OSBPL9: variants seen among roughly 807,000 people sequenced by gnomAD.
OSBPL9 encodes oxysterol-binding protein-related protein 9.
In OSBPL9, 40 loss-of-function variants were observed where a neutral mutation model predicts 106.6. The ratio of observed to expected loss-of-function variants is 0.38; its 90% CI spans 0.29 to 0.49. The LOEUF is 0.49. Among genes scored for constraint, OSBPL9 ranks in the 20% least tolerant of loss-of-function variants. OSBPL9 has a pLI of 0.97. For synonymous variants in OSBPL9, 269 were observed against 295.4 expected, an observed-to-expected ratio of 0.91 and a Z score of 0.92; for missense variants, 609 against 887.2, an observed-to-expected ratio of 0.69 and a Z score of 3.98.
chr1:51,753,440 AAAG>A (rs778322886), intron 8 of OSBPL9, among the ~76,000 whole-genome samples: 7 of 152,222 alleles, frequency 4.6e-5, no homozygotes, highest in Non-Finnish European at 8.8e-5. Flanking sequence ...AAATTTAAAA[AAAG>A]AAGGATGCAA....
chr1:51,730,159 T>C (rs955570341), intron 4 of OSBPL9: 7 of 1,242,310 alleles, frequency 5.6e-6, no homozygotes, highest in Non-Finnish European at 7.1e-6. Flanking sequence ...GGGCCCCTCT[T>C]CCTTGGGAGT....
chr1:51,551,582 A>G, the OSBPL9 span, among the ~76,000 whole-genome samples: 1 of 151,684 alleles, frequency 6.6e-6, no homozygotes, highest in African/African-American at 2.4e-5. Context: ...TTATTTATTT[A>G]TTTATTTACT....
the OSBPL9 span, chr1:51,562,011 A>G: frequency 1.3e-5 from 2 of 152,314 alleles, no homozygotes; most frequent in East Asian, 1.9e-4. Context: ...GGGATTTTCA[A>G]TGATCCAAGG....
At chr1:51,711,106 C>G (rs1171942598) in intron 3 of OSBPL9, among the ~76,000 whole-genome samples, 1 of 151,538 alleles carries the variant, frequency 6.6e-6, no homozygotes, top group African/African-American at 2.4e-5. Flanking sequence ...ATGTCTACTT[C>G]TTTCCACACA....
At chr1:51,732,254 A>G (rs1263582552) in intron 4 of OSBPL9, among the ~76,000 whole-genome samples, 1 of 152,246 alleles carries the variant, frequency 6.6e-6, no homozygotes, top group Non-Finnish European at 1.5e-5. Flanking sequence ...TCTGATAATC[A>G]GGCTTTTGTT....
chr1:51,770,557 C>T (rs930084977), intron 12 of OSBPL9, among the ~76,000 whole-genome samples: 2 of 152,170 alleles, frequency 1.3e-5, no homozygotes, highest in African/African-American at 2.4e-5. Flanking sequence ...GAATTACAGG[C>T]GTGAGCCATC....
At chr1:51,694,136 G>T (rs1034744577) in intron 3 of OSBPL9, among the ~76,000 whole-genome samples, 6 of 152,142 alleles carry the variant, frequency 3.9e-5, no homozygotes, top group African/African-American at 9.6e-5. Context: ...TCTTTATGTG[G>T]GTTATATTTA....
chr1:51,707,109 T>G (rs1658714176), intron 3 of OSBPL9: 1 of 315,820 alleles, frequency 3.2e-6, no homozygotes, highest in Non-Finnish European at 6.5e-6. Flanking sequence ...GTTAGTGCTC[T>G]TGCTGGAGCT....
intron 2 of OSBPL9, among the ~76,000 whole-genome samples, chr1:51,607,741 G>A (rs1643958839): frequency 6.6e-6 from 1 of 152,224 alleles, no homozygotes; most frequent in Non-Finnish European, 1.5e-5. Flanking sequence ...TTTGCAGCAA[G>A]CTCAATTCTC....
At chr1:51,629,662 A>G (rs541269797) in intron 1 of OSBPL9, among the ~76,000 whole-genome samples, 2 of 152,214 alleles carry the variant, frequency 1.3e-5, no homozygotes, top group Admixed American at 1.3e-4. Context: ...CAAATTCACT[A>G]ATGTGGCTCG....
intron 4 of OSBPL9, among the ~76,000 whole-genome samples, chr1:51,742,022 A>AAC (rs1667036393): frequency 6.6e-6 from 1 of 152,154 alleles, no homozygotes; most frequent in African/African-American, 2.4e-5. Flanking sequence ...GGAGAAAGAG[A>AAC]ACAGAAAGGT....
At chr1:51,747,529 A>G (rs1668240393) in intron 6 of OSBPL9, among the ~76,000 whole-genome samples, 1 of 138,630 alleles carries the variant, frequency 7.2e-6, no homozygotes, top group Non-Finnish European at 1.6e-5. Flanking sequence ...TCTTTTTTCT[A>G]ATTAACATTT....
At chr1:51,715,654 T>C (rs1261560825) in intron 4 of OSBPL9, among the ~76,000 whole-genome samples, 1 of 152,220 alleles carries the variant, frequency 6.6e-6, no homozygotes, top group East Asian at 1.9e-4. Context: ...CCCCCCATTG[T>C]TGGTTAGACT....
intron 4 of OSBPL9, among the ~76,000 whole-genome samples, chr1:51,727,123 G>T (rs1663254176): frequency 6.9e-6 from 1 of 144,356 alleles, no homozygotes; most frequent in South Asian, 2.2e-4. Flanking sequence ...CAGAATTAGA[G>T]ATGTAGGCTT....
In OSBPL9 at chr1:51,712,636, G is replaced by GA. The variant is rs201210363; in HGVS notation, c.242-1360dup. ...TTTGATTATTTTATAAATCTAAGTG[G>GA]AAAAAAACCCTAAAAATAAAAAAGG... On this transcript the variant is annotated intron_variant, in intron 3 of 23. Transcript: ENST00000428468. Among the ~76,000 whole-genome samples, 973 of 151,836 alleles carry GA rather than the reference G, an allele frequency of 6.4e-3. 7 individuals carry two copies. The highest frequency in any genetic ancestry group is 0.011 in the Non-Finnish European group (759 of 67,942).
chr1:51,750,034 A>C (rs1668913590), intron 7 of OSBPL9, 111 bp from the exon 8 acceptor site: 1 of 614,312 alleles, frequency 1.6e-6, no homozygotes, highest in Non-Finnish European at 2.7e-6. Flanking sequence ...TTTCTTGTGT[A>C]GTATAGACTT....
At chr1:51,651,590 G>A (rs111614668) in intron 1 of OSBPL9, among the ~76,000 whole-genome samples, 19,211 of 151,770 alleles carry the variant, frequency 0.13, 1,348 homozygotes, top group Middle Eastern at 0.22. Flanking sequence ...GCGACAAAGC[G>A]GGACTCCATC....
intron 4 of OSBPL9, among the ~76,000 whole-genome samples, chr1:51,724,387 G>A (rs1226429801): frequency 2.0e-5 from 3 of 152,058 alleles, no homozygotes; most frequent in Admixed American, 6.6e-5. Flanking sequence ...GGGTTCAAGT[G>A]ATTCTCCTGC....
chr1:51,586,206 A>C (rs1645246756), intron 1 of OSBPL9, among the ~76,000 whole-genome samples: 1 of 151,944 alleles, frequency 6.6e-6, no homozygotes. Context: ...AATAATAATA[A>C]ATTAAAAGGG....
Sources: gnomAD v4.1 joint callset for allele counts (sites outside exome capture counted in the v4.1 genomes callset) on GRCh38, gnomAD v4.1.1 for gene constraint, MANE v1.5 for transcripts, NCBI Gene and HGNC (gene_info 2026-07-23, HGNC 2026-07-21) for gene names.